Variants in SEMA3A observed in about 807,000 individuals in gnomAD.
The protein encoded by SEMA3A is semaphorin-3A.
A neutral mutation model predicts 97.9 loss-of-function variants in SEMA3A; 29 were observed. The observed-to-expected ratio is 0.30, with a 90% confidence interval of 0.22 to 0.40. SEMA3A has a LOEUF of 0.40. Among genes scored for constraint, SEMA3A ranks in the 10% least tolerant of loss-of-function variants. The pLI is 1.00. For missense variants in SEMA3A, 763 were observed against 951.3 expected, an observed-to-expected ratio of 0.80 and a Z score of 2.60; for synonymous variants, 321 against 323.7, an observed-to-expected ratio of 0.99 and a Z score of 0.09.
At chr7:84,084,518 G>A (rs1794269468) in intron 4 of SEMA3A, among the ~76,000 whole-genome samples, 2 of 143,962 alleles carry the variant, frequency 1.4e-5, no homozygotes, top group African/African-American at 5.5e-5. Context: ...TCGACAGACT[G>A]TAAATTGAGA....
chr7:84,124,128 T>C (rs922106046), intron 3 of SEMA3A, among the ~76,000 whole-genome samples: 3 of 152,192 alleles, frequency 2.0e-5, no homozygotes, highest in Non-Finnish European at 2.9e-5. Flanking sequence ...GCCATAGGAA[T>C]GAGCTTTTCC....
intron 15 of SEMA3A, among the ~76,000 whole-genome samples, chr7:83,976,197 G>A (rs1789143043): frequency 6.6e-6 from 1 of 151,974 alleles, no homozygotes; most frequent in Admixed American, 6.6e-5. Context: ...ATGTATGCTG[G>A]GGTTCTATGT....
intron 3 of SEMA3A, among the ~76,000 whole-genome samples, chr7:84,205,661 T>C (rs775626984): frequency 9.2e-5 from 14 of 152,196 alleles, no homozygotes; most frequent in Non-Finnish European, 1.8e-4. Context: ...ACAATTCCTA[T>C]GCATAAGTGT....
chr7:84,451,939 G>A (rs1349939318), intron 1 of SEMA3A, among the ~76,000 whole-genome samples: 1 of 152,076 alleles, frequency 6.6e-6, no homozygotes, highest in African/African-American at 2.4e-5. Context: ...ACAAATAAAG[G>A]AACAATTACA....
chr7:83,964,935 T>G (rs1788610498), intron 15 of SEMA3A, among the ~76,000 whole-genome samples: 1 of 152,134 alleles, frequency 6.6e-6, no homozygotes, highest in East Asian at 1.9e-4. Context: ...GTAAGATAGC[T>G]GCTTCCTGGG....
intron 1 of SEMA3A, among the ~76,000 whole-genome samples, chr7:84,376,071 G>C (rs1230036030): frequency 6.6e-6 from 1 of 152,082 alleles, no homozygotes; most frequent in African/African-American, 2.4e-5. Flanking sequence ...TATATTAATA[G>C]ACCAGTTTTT....
intron 1 of SEMA3A, among the ~76,000 whole-genome samples, chr7:84,381,448 A>C (rs1422286724): frequency 1.3e-5 from 2 of 152,164 alleles, no homozygotes; most frequent in African/African-American, 4.8e-5. Flanking sequence ...CAGTCATCTA[A>C]ATTACTTCAA....
At chr7:84,154,409 G>C (rs1198725630) in intron 1 of SEMA3A, among the ~76,000 whole-genome samples, 1 of 152,064 alleles carries the variant, frequency 6.6e-6, no homozygotes, top group Non-Finnish European at 1.5e-5. Context: ...CGGGTACGAT[G>C]GCTCACGCCT....
intron 1 of SEMA3A, among the ~76,000 whole-genome samples, chr7:84,434,814 A>G (rs1036598034): frequency 1.3e-5 from 2 of 152,138 alleles, no homozygotes; most frequent in African/African-American, 4.8e-5. Context: ...CCAACATCCC[A>G]ACATGATAAA....
chr7:84,254,736 T>C lies in SEMA3A; in HGVS notation c.-83+52471A>G, dbSNP rs147228870. Reference sequence around the variant, plus strand: ...GTGTAATCACCACCCAGTCAAGATATGGAATTACCTATAACCCTTGCTTTG... The same window carrying C: ...GTGTAATCACCACCCAGTCAAGATACGGAATTACCTATAACCCTTGCTTTG... On this transcript the variant is annotated intron_variant, in intron 3 of 3. Transcript: ENST00000424555. Among the ~76,000 whole-genome samples, 1,021 of 152,284 alleles carry C rather than the reference T, an allele frequency of 6.7e-3. 18 individuals carry two copies. Among genetic ancestry groups the C allele is most frequent in the South Asian group, 0.03 (145 of 4,824 alleles).
chr7:84,224,772 C>A (rs1798951912), intron 3 of SEMA3A, among the ~76,000 whole-genome samples: 1 of 152,018 alleles, frequency 6.6e-6, no homozygotes, highest in Non-Finnish European at 1.5e-5. Context: ...TTGTCACTCT[C>A]CAGTTGAATA....
intron 1 of SEMA3A, among the ~76,000 whole-genome samples, chr7:84,397,194 T>G (rs1245892928): frequency 6.6e-6 from 1 of 152,038 alleles, no homozygotes; most frequent in Non-Finnish European, 1.5e-5. Context: ...TAATCTACTT[T>G]ATCATGTCTA....
At chr7:84,143,943 T>TAA (rs1460104047) in intron 1 of SEMA3A, among the ~76,000 whole-genome samples, 16,404 of 121,712 alleles carry the variant, frequency 0.13, 1,114 homozygotes, top group East Asian at 0.21. Flanking sequence ...TCTCTCTCTC[T>TAA]CTCTCTAACA....
chr7:83,964,677 T>C (rs1274951297), intron 15 of SEMA3A, among the ~76,000 whole-genome samples: 4 of 152,194 alleles, frequency 2.6e-5, no homozygotes, highest in Non-Finnish European at 5.9e-5. Flanking sequence ...AACAAAACTC[T>C]TCCAATATTG....
At chr7:84,331,162 C>T (rs1167261046) in intron 2 of SEMA3A, among the ~76,000 whole-genome samples, 1 of 152,146 alleles carries the variant, frequency 6.6e-6, no homozygotes, top group Admixed American at 6.6e-5. Flanking sequence ...TACTTTGAAG[C>T]CATCCAATCT....
intron 4 of SEMA3A, among the ~76,000 whole-genome samples, chr7:84,061,341 A>G (rs1423671816): frequency 6.6e-6 from 1 of 152,214 alleles, no homozygotes; most frequent in Non-Finnish European, 1.5e-5. Flanking sequence ...GGAAAGCATG[A>G]CATCAAAAAT....
intron 4 of SEMA3A, among the ~76,000 whole-genome samples, chr7:84,090,064 G>T (rs1794514739): frequency 6.6e-6 from 1 of 151,912 alleles, no homozygotes; most frequent in African/African-American, 2.4e-5. Context: ...AAATTTTAAA[G>T]ATTTTGAAGT....
At chr7:84,127,592 A>G (rs1795838095) in intron 3 of SEMA3A, among the ~76,000 whole-genome samples, 1 of 152,188 alleles carries the variant, frequency 6.6e-6, no homozygotes, top group Non-Finnish European at 1.5e-5. Context: ...ATTTTCAAGG[A>G]TGAATTTCCC....
At chr7:84,469,776 T>C (rs759760336) in intron 1 of SEMA3A, among the ~76,000 whole-genome samples, 5 of 152,102 alleles carry the variant, frequency 3.3e-5, no homozygotes, top group African/African-American at 4.8e-5. Flanking sequence ...ATGGTTTAAT[T>C]ACTAATGTAA....
Sources: allele counts gnomAD v4.1 joint callset (sites outside exome capture counted in the v4.1 genomes callset), GRCh38; gene constraint gnomAD v4.1.1; transcripts MANE v1.5; gene names NCBI Gene and HGNC (gene_info 2026-07-23, HGNC 2026-07-21).